CATSPERG: variants seen among roughly 807,000 people sequenced by gnomAD.
CATSPERG encodes cation channel sperm-associated auxiliary subunit gamma.
CATSPERG carries 115 observed loss-of-function variants against 145.0 expected under a neutral mutation model. That is an observed-to-expected ratio of 0.79 (90% CI 0.68 to 0.93). The LOEUF is 0.93. Among genes scored for constraint, CATSPERG ranks in the 40% least tolerant of loss-of-function variants. The pLI is 0.00. For missense variants in CATSPERG, 1,296 were observed against 1,490.1 expected, an observed-to-expected ratio of 0.87 and a Z score of 2.14; for synonymous variants, 588 against 589.0, an observed-to-expected ratio of 1.00 and a Z score of 0.02.
intron 3 of CATSPERG, among the ~76,000 whole-genome samples, chr19:38,342,762 C>T (rs554436420): frequency 6.6e-6 from 1 of 152,088 alleles, no homozygotes; most frequent in African/African-American, 2.4e-5. Context: ...GCCGCCTTCT[C>T]TCGGGGACGC....
chr19:38,342,499 C>T (rs1244811097), intron 3 of CATSPERG, among the ~76,000 whole-genome samples: 1 of 151,134 alleles, frequency 6.6e-6, no homozygotes, highest in Non-Finnish European at 1.5e-5. Flanking sequence ...ACTCAGGAGG[C>T]TGAGGCAGGA....
Position 38,362,574 on chromosome 19 carries a change from G to A in CATSPERG, c.2356G>A (p.Gly786Ser), listed in dbSNP as rs781044564. The A allele has an allele frequency of 7.4e-6, 12 of 1,613,840 alleles. No individual in the cohort carries two copies. The highest frequency in any genetic ancestry group is 3.3e-5 in the Admixed American group (2 of 60,030). The part of the protein sequence containing the change: ...GHSFRTQSEL[G>S]TAFQLHSQVD... Reference sequence around the variant, plus strand: ...CTCGTTCCGGACGCAGTCAGAACTCGGTCTGCGCGGGACCAGAGTGGAGCC... The same window carrying A: ...CTCGTTCCGGACGCAGTCAGAACTCAGTCTGCGCGGGACCAGAGTGGAGCC... The change falls in exon 19 of 29, where the codon GGC becomes AGC. Residue 786 changes from glycine to serine, a missense_variant and splice_region_variant. Coordinates refer to ENST00000409235, the MANE Select transcript of CATSPERG (RefSeq NM_021185.5).
intron 9 of CATSPERG, 59 bp from the exon 10 acceptor site, chr19:38,356,425 T>C (rs781522314): frequency 5.8e-6 from 9 of 1,564,054 alleles, no homozygotes; most frequent in South Asian, 1.1e-5. Context: ...GGAGTTGGCT[T>C]GATGGGCTGC....
chr19:38,355,474 A>T (rs912059797), intron 9 of CATSPERG, among the ~76,000 whole-genome samples: 1 of 152,056 alleles, frequency 6.6e-6, no homozygotes, highest in Non-Finnish European at 1.5e-5. Flanking sequence ...AGGTGGGTGG[A>T]TCACCTGAGG....
chr19:38,362,869 T>TTG, intron 20 of CATSPERG, 37 bp downstream of exon 20: 1 of 1,117,126 alleles, frequency 9.0e-7, no homozygotes, highest in Non-Finnish European at 1.3e-6. Flanking sequence ...AAGGGAGGTT[T>TTG]TGTTTTTTTT....
intron 6 of CATSPERG, among the ~76,000 whole-genome samples, chr19:38,345,159 T>C (rs1222524575): frequency 6.6e-6 from 1 of 151,772 alleles, no homozygotes; most frequent in Admixed American, 6.6e-5. Flanking sequence ...AGTGGTACGA[T>C]CTTGCCTCAT....
intron 26 of CATSPERG, chr19:38,369,498 T>C (rs774379724): frequency 4.3e-6 from 1 of 229,936 alleles, no homozygotes; most frequent in African/African-American, 2.3e-5. Context: ...TGACCTCAAG[T>C]GATCCACCTG....
At chr19:38,362,015 G>A (rs932825524) in intron 17 of CATSPERG, 154 bp downstream of exon 17, 14 of 910,980 alleles carry the variant, frequency 1.5e-5, no homozygotes, top group East Asian at 5.3e-5. Flanking sequence ...GGCCTGGCTT[G>A]AGCAGGACTT....
At chr19:38,359,904 C>T in intron 14 of CATSPERG, 1 of 1,060,498 alleles carries the variant, frequency 9.4e-7, no homozygotes, top group Non-Finnish European at 1.1e-6. Context: ...ATCAGGGCTG[C>T]AATGGGGAAA....
At chr19:38,359,871 C>A in intron 14 of CATSPERG, 1 of 1,141,088 alleles carries the variant, frequency 8.8e-7, no homozygotes, top group Non-Finnish European at 1.1e-6. Context: ...TGTGCCTGCC[C>A]CCGTGCTGGA....
chr19:38,359,694 C>G, intron 14 of CATSPERG, 113 bp downstream of exon 14: 1 of 1,450,546 alleles, frequency 6.9e-7, no homozygotes, highest in African/African-American at 1.4e-5. Flanking sequence ...CCCTCGGGGA[C>G]CCTGAGAAAG....
intron 3 of CATSPERG, among the ~76,000 whole-genome samples, chr19:38,340,745 A>G (rs1417879318): frequency 1.3e-5 from 2 of 152,116 alleles, no homozygotes; most frequent in Non-Finnish European, 2.9e-5. Context: ...TCAGCCTCCC[A>G]AGTAGCAGGG....
intron 17 of CATSPERG, 141 bp downstream of exon 17, chr19:38,362,002 C>CCCGGGGGGGG: frequency 1.1e-5 from 2 of 186,556 alleles, no homozygotes; most frequent in East Asian, 9.7e-5. Context: ...GACCTGGGGG[C>CCCGGGGGGGG]GGGGCCTGGC....
At chr19:38,364,255 G>GC (rs1970407847) in intron 20 of CATSPERG, among the ~76,000 whole-genome samples, 1 of 152,146 alleles carries the variant, frequency 6.6e-6, no homozygotes. Context: ...CGGGGCGGTT[G>GC]CCAGGCGGAG....
At chr19:38,338,394 C>T (rs190968892) in intron 3 of CATSPERG, among the ~76,000 whole-genome samples, 4 of 151,102 alleles carry the variant, frequency 2.6e-5, no homozygotes, top group South Asian at 2.1e-4. Flanking sequence ...GTGATCCGCC[C>T]GCCTCGGCCT....
At position 38,356,705 on chromosome 19, in the gene CATSPERG, C is replaced by T. The variant is rs184535871; in HGVS notation, c.1196-37C>T. Reference sequence around the variant, plus strand: ...CTGGCACAGGACCAAGGCTATTGAGCCCTGGGGCGGCTCTGGACTGCCCCT... The same window carrying T: ...CTGGCACAGGACCAAGGCTATTGAGTCCTGGGGCGGCTCTGGACTGCCCCT... On this transcript the variant is annotated intron_variant, in intron 10 of 28. Transcript: ENST00000409235. 2.5e-5 allele frequency: 41 copies of T among 1,611,756 alleles called. No individual in the cohort carries two copies. The East Asian group carries it at 7.6e-4, about 30-fold the overall frequency.
chr19:38,337,251 T>C lies in CATSPERG; in HGVS notation c.17T>C (p.Met6Thr). The change falls in exon 2 of 29, where the codon ATG (methionine) becomes ACG (threonine). Residue 6 changes from methionine (M) to threonine (T), a missense_variant. Transcript: ENST00000409235. Reference protein sequence around the residue: MCGPAMFPAGPPWPRV... With the variant: MCGPATFPAGPPWPRV... ...AGCCACGTTATGTGCGGCCCAGCCA[T>C]GTTCCCTGCCGGTCCTCCGTGGCCC... The C allele has an allele frequency of 6.4e-7, 1 of 1,551,366 alleles. No individual in the cohort carries two copies. The highest frequency in any genetic ancestry group is 2.0e-5 in the Admixed American group (1 of 51,002).
chr19:38,359,408 G>A (rs1044130196), intron 13 of CATSPERG, 62 bp from the exon 14 acceptor site: 2 of 1,058,950 alleles, frequency 1.9e-6, no homozygotes, highest in Non-Finnish European at 2.9e-6. Context: ...GTGTTATTAG[G>A]CCTGGGATTG....
chr19:38,365,608 C>T (rs1970434060), intron 22 of CATSPERG: 1 of 158,884 alleles, frequency 6.3e-6, no homozygotes. Context: ...CAGAAAGGGC[C>T]ACCTTCCCAG....
Sources: allele counts gnomAD v4.1 joint callset (sites outside exome capture counted in the v4.1 genomes callset), GRCh38; gene constraint gnomAD v4.1.1; transcripts MANE v1.5; gene names NCBI Gene and HGNC (gene_info 2026-07-23, HGNC 2026-07-21).